Variants in BCAP31 observed in about 807,000 individuals in gnomAD.
The protein encoded by BCAP31 is B cell receptor associated protein 31.
For missense variants in BCAP31, 124 were observed against 193.0 expected (o/e 0.64, Z 2.12); for synonymous variants, 75 against 80.9 (o/e 0.93, Z 0.39).
intron 4 of BCAP31, among the ~76,000 whole-genome samples, chrX:153,709,340 T>C (rs2091574883): frequency 8.9e-6 from 1 of 111,848 alleles, no homozygotes; most frequent in Admixed American, 9.5e-5. Flanking sequence ...TGGATCAAGT[T>C]CAGGTCAGCA....
intron 7 of BCAP31, 75 bp downstream of exon 7, chrX:153,701,932 C>T (rs1291013586): frequency 2.0e-6 from 2 of 999,670 alleles, no homozygotes; most frequent in Non-Finnish European, 1.4e-6. Flanking sequence ...CTGGAAGGTT[C>T]CCTCCGCACC....
At chrX:153,723,612 T>C in intron 1 of BCAP31, 1 of 1,167,738 alleles carries the variant, frequency 8.6e-7, no homozygotes, top group Non-Finnish European at 1.1e-6. Flanking sequence ...TGAAAGGCGT[T>C]CTTCGGGAAG....
intron 4 of BCAP31, among the ~76,000 whole-genome samples, chrX:153,704,403 C>A (rs1274622926): frequency 1.8e-5 from 2 of 112,035 alleles, no homozygotes; most frequent in Non-Finnish European, 3.8e-5. Flanking sequence ...CTTTCCGGGT[C>A]GGGGCCTAGA....
intron 3 of BCAP31, among the ~76,000 whole-genome samples, chrX:153,716,836 G>A (rs970094326): frequency 2.7e-5 from 3 of 112,069 alleles, no homozygotes; most frequent in African/African-American, 9.7e-5. Flanking sequence ...TAGGAGTCAA[G>A]GGTTTCATTT....
chrX:153,701,274 A>ATC (rs2091516567), intron 7 of BCAP31, among the ~76,000 whole-genome samples: 1 of 112,001 alleles, frequency 8.9e-6, no homozygotes, highest in African/African-American at 3.2e-5. Flanking sequence ...AGTCCCCTTC[A>ATC]AGACCTGATC....
At chrX:153,701,870 G>A in intron 7 of BCAP31, 137 bp downstream of exon 7, 1 of 543,073 alleles carries the variant, frequency 1.8e-6, no homozygotes, top group Non-Finnish European at 3.0e-6. Flanking sequence ...CCACTCAGTA[G>A]GGCAGAGGTG....
chrX:153,704,430 C>T (rs1307979514), intron 4 of BCAP31, among the ~76,000 whole-genome samples: 1 of 112,307 alleles, frequency 8.9e-6, no homozygotes, highest in African/African-American at 3.2e-5. Context: ...AGACAAGCCA[C>T]AGCACCACCT....
rs187342980 is a variant in BCAP31 at position 153,711,709 on chromosome X, C to A, written c.341+3833G>T. On this transcript the variant is annotated intron_variant, in intron 4 of 7. Coordinates refer to ENST00000345046, the MANE Select transcript of BCAP31 (RefSeq NM_001256447.2). ...ACATGAGGCCAGGAGTCAGAGACGA[C>A]CAGCCTGGCCAACAGGGCAAAACCG... 4.5e-5 allele frequency among the ~76,000 whole-genome samples: 5 copies of A among 110,569 alleles called. No homozygotes were observed. In the Admixed American group the frequency reaches 4.8e-4, roughly 11 times the overall value.
intron 3 of BCAP31, among the ~76,000 whole-genome samples, chrX:153,720,361 G>A (rs782405765): frequency 9.9e-4 from 105 of 106,393 alleles, no homozygotes; most frequent in Non-Finnish European, 1.7e-3. Context: ...ACTGCTAGAG[G>A]GGCCTCTTTT....
intron 4 of BCAP31, among the ~76,000 whole-genome samples, chrX:153,708,031 C>G (rs2091565876): frequency 8.9e-6 from 1 of 112,709 alleles, no homozygotes; most frequent in African/African-American, 3.2e-5. Context: ...AAAGGCAACT[C>G]CTACAGATAC....
At chrX:153,724,176 G>A in intron 1 of BCAP31, 158 bp downstream of exon 1, 5 of 244,644 alleles carry the variant, frequency 2.0e-5, no homozygotes, top group Non-Finnish European at 3.0e-5. Context: ...GCGCCGCCCG[G>A]TTTCCCCTCG....
intron 1 of BCAP31, 187 bp from the exon 2 acceptor site, chrX:153,723,475 G>A (rs781970937): frequency 1.7e-5 from 19 of 1,149,973 alleles, no homozygotes; most frequent in South Asian, 3.9e-5. Context: ...AGCGTTCACA[G>A]GCCCCACAAA....
intron 4 of BCAP31, among the ~76,000 whole-genome samples, chrX:153,708,327 C>G (rs1490177144): frequency 9.8e-5 from 11 of 112,575 alleles, no homozygotes; most frequent in African/African-American, 3.2e-4. Flanking sequence ...TTTTCAGCAG[C>G]CCTGTCTTCC....
chrX:153,716,376 C>T (rs1557050118), intron 3 of BCAP31, among the ~76,000 whole-genome samples: 1 of 108,446 alleles, frequency 9.2e-6, no homozygotes, highest in Non-Finnish European at 1.9e-5. Flanking sequence ...GCCCATAGCC[C>T]CCCAACCCCC....
rs11537728 is a variant in BCAP31 at position 153,700,770 on chromosome X, T to C, written c.*167A>G. 77 of 471,460 alleles carry C rather than the reference T, an allele frequency of 1.6e-4. No homozygotes were observed. The Admixed American group carries it at 2.6e-3, about 16-fold the overall frequency. 38.9% of individuals were successfully genotyped at this position (471,460 alleles called of 1,213,427 possible). A position where few individuals can be genotyped will look rare whatever the true frequency, so the allele number is the denominator to read the frequency against. On this transcript the variant is annotated 3_prime_UTR_variant, in exon 8 of 8. Transcript: ENST00000345046. ...AGCAATCAGGTCCCCTGTAATGTGC[T>C]TGGAGAGTGTGGACAAGGGCCGAGA...
rs1303928217 is a variant in BCAP31 at position 153,722,039 on chromosome X, A to G, written c.93-1067T>C. On this transcript the variant is annotated intron_variant, in intron 2 of 7. Transcript: ENST00000345046. ...TTGCCCCATACACGTTATTTCTTTA[A>G]ACTGTCTTTCCACATGATAAACCTT... Among the ~76,000 whole-genome samples, 3 of 112,076 alleles carry G rather than the reference A, an allele frequency of 2.7e-5. No homozygotes were observed. The East Asian group carries it at 8.3e-4, about 31-fold the overall frequency.
intron 4 of BCAP31, among the ~76,000 whole-genome samples, chrX:153,712,274 T>C (rs1195386493): frequency 9.0e-6 from 1 of 110,662 alleles, no homozygotes; most frequent in Non-Finnish European, 1.9e-5. Context: ...ATTAAAAAAT[T>C]AGCAGCACGT....
At chrX:153,715,396 C>T in intron 4 of BCAP31, 146 bp downstream of exon 4, 1 of 919,309 alleles carries the variant, frequency 1.1e-6, no homozygotes, top group Non-Finnish European at 1.5e-6. Context: ...ATGTGGCTTC[C>T]CTAACACAGA....
In BCAP31 at chrX:153,724,085, C is replaced by G. The variant is rs782523035; in HGVS notation, c.-45+249G>C. ...CCGACTTGGCCCCGGCCTGGCACAC[C>G]GTCCCGGAGGCCCATCCCGGCCGCT... On this transcript the variant is annotated intron_variant, in intron 1 of 7. Coordinates refer to ENST00000345046, the MANE Select transcript of BCAP31 (RefSeq NM_001256447.2). 615 of 313,164 alleles carry G rather than the reference C, an allele frequency of 2.0e-3. 4 individuals are homozygous for G. The highest frequency in any genetic ancestry group is 0.016 in the African/African-American group (590 of 36,304). 25.8% of individuals were successfully genotyped at this position (313,164 alleles called of 1,213,427 possible).
Sources: allele counts gnomAD v4.1 joint callset (sites outside exome capture counted in the v4.1 genomes callset), GRCh38; gene constraint gnomAD v4.1.1; transcripts MANE v1.5; gene names NCBI Gene and HGNC (gene_info 2026-07-23, HGNC 2026-07-21).